Variants in ACACA observed in about 807,000 individuals in gnomAD.
The protein encoded by ACACA is acetyl-CoA carboxylase 1.
A neutral mutation model predicts 296.1 loss-of-function variants in ACACA; 103 were observed. The ratio of observed to expected loss-of-function variants is 0.35; its 90% CI spans 0.30 to 0.41. The LOEUF is 0.41. ACACA is among the 10% of genes least tolerant of loss of function. The pLI is 1.00. For missense variants in ACACA, 1,554 were observed against 2,989.7 expected, an observed-to-expected ratio of 0.52 and a Z score of 11.20; for synonymous variants, 953 against 1,038.6, an observed-to-expected ratio of 0.92 and a Z score of 1.58.
At chr17:37,287,194 T>G (rs769086745) in intron 3 of ACACA, among the ~76,000 whole-genome samples, 5 of 152,194 alleles carry the variant, frequency 3.3e-5, no homozygotes, top group Non-Finnish European at 5.9e-5. Flanking sequence ...CAATTTAAAC[T>G]TGATGGGGCA....
rs142880886 is a variant in ACACA, at chr17:37,238,936, C to T, written c.3121+1540G>A. On this transcript the variant is annotated intron_variant, in intron 24 of 55. Coordinates refer to ENST00000616317, the MANE Select transcript of ACACA (RefSeq NM_198834.3). ...TGAATCCCTGGGCTCAGGCAATCCT[C>T]TTGTTTCAGCCTCTTGAGTAGGTAG... Among the ~76,000 whole-genome samples, 898 of 152,244 alleles carry T rather than the reference C, an allele frequency of 5.9e-3. 10 individuals are homozygous for T. The highest frequency in any genetic ancestry group is 0.017 in the Middle Eastern group (5 of 294).
At chr17:37,196,398 A>G (rs1192048581) in intron 35 of ACACA, among the ~76,000 whole-genome samples, 2 of 152,162 alleles carry the variant, frequency 1.3e-5, no homozygotes, top group Non-Finnish European at 2.9e-5. Context: ...GAATCACACA[A>G]TAGTCATAAA....
intron 16 of ACACA, 104 bp from the exon 17 acceptor site, chr17:37,248,778 A>C (rs1050707198): frequency 2.6e-6 from 2 of 782,918 alleles, no homozygotes; most frequent in Non-Finnish European, 4.4e-6. Context: ...AAAAGACTAG[A>C]AACAACCTAA....
intron 41 of ACACA, among the ~76,000 whole-genome samples, chr17:37,166,303 A>G (rs1282576256): frequency 6.6e-6 from 1 of 151,342 alleles, no homozygotes; most frequent in South Asian, 2.1e-4. Context: ...ATGCCCAGCT[A>G]ATTTTTTTTA....
intron 54 of ACACA, among the ~76,000 whole-genome samples, chr17:37,096,162 C>T (rs2072977133): frequency 6.6e-6 from 1 of 152,198 alleles, no homozygotes; most frequent in Non-Finnish European, 1.5e-5. Context: ...CCTCCAATTC[C>T]CTCCTCCACA....
chr17:37,388,017 T>C (rs2050623709), intron 1 of ACACA: 1 of 152,060 alleles, frequency 6.6e-6, no homozygotes, highest in African/African-American at 2.4e-5. Flanking sequence ...TTTTAAAAAT[T>C]AGCCGGGCAT....
At chr17:37,271,253 C>T (rs5011489) in intron 9 of ACACA, among the ~76,000 whole-genome samples, 2,629 of 152,302 alleles carry the variant, frequency 0.017, 41 homozygotes, top group South Asian at 0.05. Context: ...CAGTGGCTAA[C>T]GCCTGTAATC....
intron 10 of ACACA, among the ~76,000 whole-genome samples, chr17:37,268,725 C>CTATATATATATATATA (rs1391160604): frequency 3.6e-5 from 4 of 111,640 alleles, no homozygotes; most frequent in African/African-American, 1.7e-4. Flanking sequence ...ATCTATCTAT[C>CTATATATATATATATA]TATCTATCTA....
chr17:37,145,840 A>G (rs1426821284), intron 45 of ACACA, among the ~76,000 whole-genome samples: 2 of 152,234 alleles, frequency 1.3e-5, no homozygotes, highest in Non-Finnish European at 2.9e-5. Context: ...GTAACACTCA[A>G]TAAAATCCAG....
At chr17:37,390,118 ACTGTCT>A (rs1442800509) in intron 1 of ACACA, among the ~76,000 whole-genome samples, 1 of 95,154 alleles carries the variant, frequency 1.1e-5, no homozygotes, top group Non-Finnish European at 2.0e-5. Context: ...ATAGCGAGAC[ACTGTCT>A]CTATTAAAAA....
intron 10 of ACACA, among the ~76,000 whole-genome samples, chr17:37,269,160 G>C (rs1331033673): frequency 1.3e-5 from 2 of 151,522 alleles, no homozygotes; most frequent in Non-Finnish European, 2.9e-5. Context: ...TTTTTGTAGA[G>C]ATAGAGTCTC....
chr17:37,343,818 C>G (rs2048493645), intron 1 of ACACA, among the ~76,000 whole-genome samples: 1 of 150,678 alleles, frequency 6.6e-6, no homozygotes, highest in Admixed American at 6.6e-5. Context: ...GCCTTGTTCA[C>G]TTTGTCATTT....
chr17:37,191,252 T>C lies in ACACA; in HGVS notation c.4440A>G (p.Gln1480=), dbSNP rs1567789905. Residue 1480 remains glutamine (Q), a synonymous_variant, in exon 38 of 56, where the codon CAA becomes CAG. Coordinates refer to ENST00000616317, the MANE Select transcript of ACACA (RefSeq NM_198834.3). ...CCAGGAGTAGCCGCTCCCCTTCATT[T>C]TGCAGATATTCAAAAGAAGCTTCCT... ...VTKEASFEYL[Q]NEGERLLLEA... The C allele has an allele frequency of 6.2e-7, 1 of 1,614,064 alleles. No homozygotes were observed. The highest frequency in any genetic ancestry group is 8.5e-7 in the Non-Finnish European group (1 of 1,179,992).
chr17:37,348,765 C>T (rs1449199676), intron 1 of ACACA, among the ~76,000 whole-genome samples: 2 of 151,332 alleles, frequency 1.3e-5, no homozygotes, highest in Non-Finnish European at 2.9e-5. Flanking sequence ...ATTGAGACCA[C>T]GGTGAAACCC....
At chr17:37,252,156 C>G (rs748299412) in intron 15 of ACACA, 48 bp from the exon 16 acceptor site, 3 of 1,455,794 alleles carry the variant, frequency 2.1e-6, no homozygotes, top group Non-Finnish European at 2.9e-6. Context: ...TCACTTGGCA[C>G]CACAGCCTCT....
At chr17:37,163,941 T>C (rs1013421819) in intron 41 of ACACA, among the ~76,000 whole-genome samples, 3 of 152,206 alleles carry the variant, frequency 2.0e-5, no homozygotes, top group African/African-American at 7.2e-5. Flanking sequence ...ATTTGCTAGT[T>C]CCATTTCTTT....
At chr17:37,158,917 C>T (rs113848088) in intron 42 of ACACA, among the ~76,000 whole-genome samples, 1,587 of 152,086 alleles carry the variant, frequency 0.01, 32 homozygotes, top group African/African-American at 0.037. Flanking sequence ...GTGGCTAATG[C>T]CTATAATCTC....
At chr17:37,221,238 A>T (rs2079273817) in intron 29 of ACACA, among the ~76,000 whole-genome samples, 1 of 152,208 alleles carries the variant, frequency 6.6e-6, no homozygotes, top group South Asian at 2.1e-4. Context: ...TGTAATTTTT[A>T]AAAACTGATT....
Position 37,252,046 on chromosome 17 carries a change from G to A in ACACA, c.2040C>T (p.Ser680=), listed in dbSNP as rs2081018200. 1 of 1,614,152 alleles carries A rather than the reference G, an allele frequency of 6.2e-7. No individual in the cohort carries two copies. Among genetic ancestry groups the A allele is most frequent in the Non-Finnish European group, 8.5e-7 (1 of 1,180,028 alleles). The change falls in exon 16 of 56, where the codon AGC becomes AGT. Residue 680 remains serine (S), a synonymous_variant. Coordinates refer to ENST00000616317, the MANE Select transcript of ACACA (RefSeq NM_198834.3). ...GGAAGTTAGAGACGCTATTCCGCAG[G>A]CTCACATCTGCCACGTGGAGGGCAC... The part of the protein sequence containing the change: ...VCGALHVADV[S]LRNSVSNFLH...
Sources: gnomAD v4.1 joint callset for allele counts (sites outside exome capture counted in the v4.1 genomes callset) on GRCh38, gnomAD v4.1.1 for gene constraint, MANE v1.5 for transcripts, NCBI Gene and HGNC (gene_info 2026-07-23, HGNC 2026-07-21) for gene names.